Variants in HFM1 observed in about 807,000 individuals in gnomAD.
HFM1 encodes the protein probable ATP-dependent DNA helicase HFM1.
A neutral mutation model predicts 192.1 loss-of-function variants in HFM1; 169 were observed. That is an observed-to-expected ratio of 0.88 (90% CI 0.78 to 1.00). The LOEUF is 1.00. Among genes scored for constraint, HFM1 ranks in the 50% least tolerant of loss-of-function variants. The pLI, the probability that HFM1 is intolerant of heterozygous loss-of-function variation, is 0.00. For synonymous variants in HFM1, 525 were observed against 537.8 expected, an observed-to-expected ratio of 0.98 and a Z score of 0.33; for missense variants, 1,661 against 1,668.0, an observed-to-expected ratio of 1.00 and a Z score of 0.07.
At chr1:91,407,202 C>T (rs1194796833), upstream of HFM1, among the ~76,000 whole-genome samples, 1 of 150,818 alleles carries the variant, frequency 6.6e-6, no homozygotes, top group African/African-American at 2.4e-5. Flanking sequence ...CACTGGGGCC[C>T]GTTGGGGGGT....
intron 19 of HFM1, among the ~76,000 whole-genome samples, chr1:91,346,136 C>T (rs1159041153): frequency 1.3e-5 from 2 of 152,126 alleles, no homozygotes; most frequent in Non-Finnish European, 2.9e-5. Flanking sequence ...TTCTCTCCTA[C>T]AATTCCAAAA....
chr1:91,330,354 A>G (rs1247596486), intron 20 of HFM1, among the ~76,000 whole-genome samples: 4 of 152,214 alleles, frequency 2.6e-5, no homozygotes, highest in Admixed American at 6.5e-5. Flanking sequence ...TCAAAGGATC[A>G]TTAGTGGCTA....
chr1:91,386,125 A>G (rs563550241), intron 4 of HFM1, among the ~76,000 whole-genome samples: 6 of 152,348 alleles, frequency 3.9e-5, no homozygotes, highest in African/African-American at 1.4e-4. Context: ...GAATCGCTGA[A>G]TCAGGACTGG....
chr1:91,390,967 A>C (rs1179995644), intron 4 of HFM1, among the ~76,000 whole-genome samples: 1 of 152,254 alleles, frequency 6.6e-6, no homozygotes, highest in Non-Finnish European at 1.5e-5. Context: ...AATAACAGAC[A>C]GAGAGCCAAA....
intron 30 of HFM1, among the ~76,000 whole-genome samples, chr1:91,310,617 T>C (rs1650305636): frequency 6.6e-6 from 1 of 152,200 alleles, no homozygotes; most frequent in Non-Finnish European, 1.5e-5. Flanking sequence ...TCCCACGTGT[T>C]GTGGAAGGGA....
chr1:91,328,737 C>A, intron 20 of HFM1: 11 of 1,609,118 alleles, frequency 6.8e-6, no homozygotes, highest in Non-Finnish European at 9.3e-6. Flanking sequence ...GCTGCTGGGG[C>A]CGAGCAGGTG....
intron 30 of HFM1, among the ~76,000 whole-genome samples, chr1:91,311,124 G>A (rs1337743697): frequency 6.6e-6 from 1 of 152,184 alleles, no homozygotes; most frequent in African/African-American, 2.4e-5. Context: ...GGTTGAGGTG[G>A]TCTCAGATGA....
chr1:91,394,380 C>G lies in HFM1; in HGVS notation c.207G>C (p.Met69Ile), dbSNP rs76064907. ...KLLGQEKRPK[M>I]LTSNLKITNE... is the part of the protein sequence containing the mutation. ...TAGTTATCTTTAAATTTGATGTTAA[C>G]ATTTTTGGCCTCTTTTCCTGACCTA... The change falls in exon 4 of 39, where the codon ATG (methionine) becomes ATC (isoleucine). Residue 69 changes from methionine (M) to isoleucine (I), a missense_variant. Coordinates refer to ENST00000370425, the MANE Select transcript of HFM1 (RefSeq NM_001017975.6). 2 of 1,536,262 alleles carry G rather than the reference C, an allele frequency of 1.3e-6. No individual in the cohort carries two copies. The highest frequency in any genetic ancestry group is 8.9e-7 in the Non-Finnish European group (1 of 1,119,166).
intron 30 of HFM1, among the ~76,000 whole-genome samples, chr1:91,299,487 G>T (rs1296156858): frequency 2.6e-5 from 4 of 152,132 alleles, no homozygotes; most frequent in African/African-American, 7.2e-5. Flanking sequence ...ATACATTCTT[G>T]TCAGCACCAC....
intron 34 of HFM1, among the ~76,000 whole-genome samples, chr1:91,270,063 C>CA (rs1277630172): frequency 1.3e-5 from 2 of 152,054 alleles, no homozygotes; most frequent in African/African-American, 2.4e-5. Flanking sequence ...AAGGTTTACA[C>CA]AACCAGATAT....
At chr1:91,303,332 T>C (rs1649123557) in intron 30 of HFM1, among the ~76,000 whole-genome samples, 1 of 152,226 alleles carries the variant, frequency 6.6e-6, no homozygotes, top group Non-Finnish European at 1.5e-5. Flanking sequence ...ATCCGTGCTG[T>C]AGCATGCATC....
rs988450565 is a variant in HFM1 at position 91,263,579 on chromosome 1, G to GA, written c.3975-988dup. On this transcript the variant is annotated intron_variant, in intron 36 of 38. Coordinates refer to ENST00000370425, the MANE Select transcript of HFM1 (RefSeq NM_001017975.6). The stretch of plus-strand genomic sequence containing the variant: ...CAACATAGCAAGACCCCCATCTCTA[G>GA]AAAAAAAAAATTTTTTTTAATTACC... 2.3e-3 allele frequency among the ~76,000 whole-genome samples: 342 copies of GA among 150,488 alleles called. 1 individual carries two copies. The highest frequency in any genetic ancestry group is 7.9e-3 in the African/African-American group (322 of 40,962).
intron 30 of HFM1, among the ~76,000 whole-genome samples, chr1:91,304,861 A>G (rs966246662): frequency 6.6e-6 from 1 of 152,044 alleles, no homozygotes; most frequent in Non-Finnish European, 1.5e-5. Flanking sequence ...TAGGAGTCCA[A>G]ATTCATCCTT....
intron 6 of HFM1, among the ~76,000 whole-genome samples, chr1:91,384,910 A>AT (rs1406800659): frequency 6.6e-5 from 10 of 151,918 alleles, no homozygotes; most frequent in Admixed American, 3.9e-4. Context: ...GGCCCAGCTA[A>AT]TTTTTTACAT....
chr1:91,328,379 C>A, intron 20 of HFM1: 1 of 1,576,178 alleles, frequency 6.3e-7, no homozygotes, highest in Non-Finnish European at 8.6e-7. Context: ...CTCTGTGTTG[C>A]CATGGGTATT....
At chr1:91,294,015 C>A (rs1410929206) in intron 30 of HFM1, among the ~76,000 whole-genome samples, 2 of 135,988 alleles carry the variant, frequency 1.5e-5, no homozygotes, top group Non-Finnish European at 3.0e-5. Flanking sequence ...CACATGGACA[C>A]AGGAAGGGGA....
intron 4 of HFM1, among the ~76,000 whole-genome samples, chr1:91,391,853 G>A (rs282013): frequency 1 from 152,154 of 152,336 alleles, 75,986 homozygotes; most frequent in Non-Finnish European, 1. Flanking sequence ...CCATATGACA[G>A]AGGGCTAATA....
At chr1:91,302,128 G>T (rs530979447) in intron 30 of HFM1, among the ~76,000 whole-genome samples, 6 of 150,774 alleles carry the variant, frequency 4.0e-5, no homozygotes, top group Non-Finnish European at 8.8e-5. Flanking sequence ...TGAAGGATAT[G>T]AACAGACACT....
At chr1:91,337,951 C>T (rs900946711) in intron 20 of HFM1, among the ~76,000 whole-genome samples, 3 of 152,118 alleles carry the variant, frequency 2.0e-5, no homozygotes, top group Admixed American at 1.3e-4. Context: ...CCAGCACACT[C>T]GAAGCAGATC....
Sources: allele counts gnomAD v4.1 joint callset (sites outside exome capture counted in the v4.1 genomes callset), GRCh38; gene constraint gnomAD v4.1.1; transcripts MANE v1.5; gene names NCBI Gene and HGNC (gene_info 2026-07-23, HGNC 2026-07-21).